NR2F2: variants seen among roughly 807,000 people sequenced by gnomAD.
NR2F2 encodes the protein nuclear receptor subfamily 2 group F member 2, also known as COUP transcription factor 2.
Under a neutral mutation model 34.8 loss-of-function variants are expected in NR2F2, and 2 were observed. The observed-to-expected ratio is 0.06, with a 90% confidence interval of 0.02 to 0.18. The LOEUF is 0.18. NR2F2 is among the 10% of genes least tolerant of loss of function. The pLI is 1.00. For synonymous variants in NR2F2, 274 were observed against 251.8 expected (o/e 1.09, Z -0.84); for missense variants, 300 against 580.1 (o/e 0.52, Z 4.96).
At position 96,332,183 on chromosome 15, in the gene NR2F2, G is replaced by C; in HGVS notation, c.78G>C (p.Ala26=). ...CACAGGGCAGCCAGGCCTCGCAGGC[G>C]CCGCCCGTGCCCGGCCCGCCGCCCG... The part of the protein sequence containing the change: ...PGSQGSQASQ[A]PPVPGPPPGA... The change falls in exon 1 of 3, where the codon GCG becomes GCC. Residue 26 remains alanine (A), a synonymous_variant. Coordinates refer to ENST00000394166, the MANE Select transcript of NR2F2 (RefSeq NM_021005.4). 7.5e-7 allele frequency: 1 copy of C among 1,327,570 alleles called. No individual in the cohort carries two copies. The highest frequency in any genetic ancestry group is 9.6e-7 in the Non-Finnish European group (1 of 1,041,696). 82.2% of individuals were successfully genotyped at this position (1,327,570 alleles called of 1,614,324 possible). A position where few individuals can be genotyped will look rare whatever the true frequency, so the allele number is the denominator to read the frequency against.
rs1263415388 is a variant in NR2F2, at chr15:96,339,897, G to A, written c.*2275G>A. 1 of 151,888 alleles carries A rather than the reference G, an allele frequency of 6.6e-6. No homozygotes were observed. Among genetic ancestry groups the A allele is most frequent in the Non-Finnish European group, 1.5e-5 (1 of 67,996 alleles). The allele number at this position is 151,888 out of a possible 1,614,324, so 9.4% of individuals were successfully genotyped here. ...ACTAGTGAGGGAGGTGAAAGAACAG[G>A]GATAATTTTGTAAAGTGTATTAAAC... On this transcript the variant is annotated 3_prime_UTR_variant, in exon 3 of 3. Transcript: ENST00000394166.
In NR2F2 at chr15:96,332,312, C is replaced by G; in HGVS notation, c.207C>G (p.Asp69Glu). 1.9e-6 allele frequency: 3 copies of G among 1,588,048 alleles called. No homozygotes were observed. The highest frequency in any genetic ancestry group is 1.3e-5 in the African/African-American group (1 of 74,334). ...GCGGCCCTGGCGGCCCGGGTAGCGACAAGCAGCAGCAGCAGCAACACATCG... is the reference window on the plus strand; with the variant it reads ...GCGGCCCTGGCGGCCCGGGTAGCGAGAAGCAGCAGCAGCAGCAACACATCG... ...GQGGPGGPGS[D>E]KQQQQQHIEC... The change falls in exon 1 of 3, where the codon GAC becomes GAG. Residue 69 changes from aspartate (D) to glutamate (E), a missense_variant. Around this residue, in one of 6 missense-constraint regions of NR2F2, gnomAD observed 105 missense variants for 107.8 expected, o/e 0.97. Coordinates refer to ENST00000394166, the MANE Select transcript of NR2F2 (RefSeq NM_021005.4).
rs1052621749 is a variant in NR2F2 at position 96,332,152 on chromosome 15, C to T, written c.47C>T (p.Pro16Leu). 6 of 1,355,858 alleles carry T rather than the reference C, an allele frequency of 4.4e-6. No homozygotes were observed. The highest frequency in any genetic ancestry group is 5.7e-6 in the Non-Finnish European group (6 of 1,054,336). 84.0% of individuals were successfully genotyped at this position (1,355,858 alleles called of 1,614,324 possible). The change falls in exon 1 of 3, where the codon CCC becomes CTC. Residue 16 changes from proline to leucine, a missense_variant. Pro to Leu is a moderately conservative substitution (Grantham distance 98). This residue lies in a region of NR2F2 where 105 missense variants were observed against 107.8 expected (regional missense o/e 0.97). Transcript: ENST00000394166. Reference protein sequence around the residue: ...STWRDPQDEVPGSQGSQASQA... With the variant: ...STWRDPQDEVLGSQGSQASQA... ...TGGCGCGACCCCCAGGACGAGGTGC[C>T]CGGCTCACAGGGCAGCCAGGCCTCG...
chr15:96,329,254 A>T (rs1899066930), upstream of NR2F2, among the ~76,000 whole-genome samples: 1 of 152,216 alleles, frequency 6.6e-6, no homozygotes, highest in African/African-American at 2.4e-5. Flanking sequence ...TAATTCACTA[A>T]CTGGTCATAA....
Position 96,330,769 on chromosome 15 carries a change from T to G in NR2F2, c.-1337T>G. The G allele has an allele frequency of 1.0e-5, 9 of 865,484 alleles. No homozygotes were observed. Among genetic ancestry groups the G allele is most frequent in the African/African-American group, 1.8e-5 (1 of 55,644 alleles). The allele number at this position is 865,484 out of a possible 1,614,324, so 53.6% of individuals were successfully genotyped here. A position where few individuals can be genotyped will look rare whatever the true frequency, so the allele number is the denominator to read the frequency against. ...CTCCCGCGCCCCCCTTTTTAGCATA[T>G]TTGATCACTTTGATTCTCTGTTCTT... On this transcript the variant is annotated 5_prime_UTR_variant, in exon 1 of 3. Coordinates refer to ENST00000394166, the MANE Select transcript of NR2F2 (RefSeq NM_021005.4).
rs1362546965 is a variant in NR2F2, at chr15:96,330,993, A to G, written c.-1113A>G. On this transcript the variant is annotated 5_prime_UTR_variant, in exon 1 of 3. Coordinates refer to ENST00000394166, the MANE Select transcript of NR2F2 (RefSeq NM_021005.4). ...TGATCTGCCCTCCTCTCTCTCTTTT[A>G]TCATTTCTCCCCCGCCGCCGGCGAG... is the stretch of plus-strand genomic sequence containing the variant. 8.3e-6 allele frequency: 10 copies of G among 1,202,202 alleles called. No homozygotes were observed. Among genetic ancestry groups the G allele is most frequent in the Non-Finnish European group, 1.0e-5 (10 of 969,632 alleles). The allele number at this position is 1,202,202 out of a possible 1,614,324, so 74.5% of individuals were successfully genotyped here.
At position 96,337,527 on chromosome 15, in the gene NR2F2, G is replaced by A. The variant is rs761123169; in HGVS notation, c.1150G>A (p.Val384Ile). ...SSSVIEQLFF[V>I]RLVGKTPIET... The stretch of plus-strand genomic sequence containing the variant: ...CTCAGTCATAGAGCAATTGTTTTTC[G>A]TCCGTTTGGTAGGTAAAACCCCCAT... Residue 384 changes from valine to isoleucine, a missense_variant, in exon 3 of 3, where the codon GTC (valine) becomes ATC (isoleucine). By Grantham distance (29) the Val-to-Ile change is conservative (BLOSUM62 3). Transcript: ENST00000394166. The A allele has an allele frequency of 3.7e-6, 6 of 1,613,812 alleles. No individual in the cohort carries two copies. Among genetic ancestry groups the A allele is most frequent in the Admixed American group, 1.7e-5 (1 of 59,984 alleles).
rs3833035 is a variant in NR2F2 at position 96,337,281 on chromosome 15, ATTC to A, written c.971-43_971-41del. 0.23 allele frequency: 343,286 copies of A among 1,472,190 alleles called. 39,441 individuals carry two copies. Among genetic ancestry groups the A allele is most frequent in the East Asian group, 0.52 (22,454 of 42,838 alleles). 91.2% of individuals were successfully genotyped at this position (1,472,190 alleles called of 1,614,324 possible). A position where few individuals can be genotyped will look rare whatever the true frequency, so the allele number is the denominator to read the frequency against. On this transcript the variant is annotated intron_variant, in intron 2 of 2. Transcript: ENST00000394166. ...TCAAACCTCTTAATCTGATGACTGA[ATTC>A]TTCTTCTTCTTCTTCTTCTTCTTTT...
chr15:96,337,205 C>T (rs534321927), intron 2 of NR2F2, 143 bp from the exon 3 acceptor site: 55 of 897,454 alleles, frequency 6.1e-5, no homozygotes, highest in South Asian at 5.4e-4. Flanking sequence ...GCTCCAACTC[C>T]GGTTGGGGCA....
Position 96,334,056 on chromosome 15 carries a change from G to A in NR2F2, c.443-20G>A, listed in dbSNP as rs1468541240. 2 of 1,604,940 alleles carry A rather than the reference G, an allele frequency of 1.2e-6. No individual in the cohort carries two copies. The highest frequency in any genetic ancestry group is 3.3e-5 in the Admixed American group (2 of 59,796). On this transcript the variant is annotated intron_variant, in intron 1 of 2. Transcript: ENST00000394166. Reference sequence around the variant, plus strand: ...TGAGGCTGGTCATTAACTGTGGAGTGTCTCCTTTCCTCCCCGCAGCGGTGC... The same window carrying A: ...TGAGGCTGGTCATTAACTGTGGAGTATCTCCTTTCCTCCCCGCAGCGGTGC...
upstream of NR2F2, among the ~76,000 whole-genome samples, chr15:96,328,926 T>C (rs529045001): frequency 3.8e-4 from 58 of 152,344 alleles, no homozygotes; most frequent in African/African-American, 1.3e-3. Flanking sequence ...CCCAGATCTT[T>C]AGTCCTTACC....
chr15:96,334,039 G>C, intron 1 of NR2F2, 37 bp from the exon 2 acceptor site: 2 of 1,591,340 alleles, frequency 1.3e-6, no homozygotes, highest in Non-Finnish European at 1.7e-6. Context: ...ACTGAGGCTG[G>C]TCATTAACTG....
At chr15:96,334,633 A>C in intron 2 of NR2F2, 30 bp downstream of exon 2, 2 of 1,558,994 alleles carry the variant, frequency 1.3e-6, no homozygotes, top group South Asian at 1.2e-5. Flanking sequence ...TCTCGTGCCC[A>C]CGGGCTCCTA....
In NR2F2 at chr15:96,332,153, C is replaced by T. The variant is rs1899165403; in HGVS notation, c.48C>T (p.Pro16=). The T allele has an allele frequency of 3.0e-6, 4 of 1,354,786 alleles. No homozygotes were observed. The highest frequency in any genetic ancestry group is 1.9e-5 in the South Asian group (1 of 51,622). The allele number at this position is 1,354,786 out of a possible 1,614,324, so 83.9% of individuals were successfully genotyped here. The change falls in exon 1 of 3, where the codon CCC becomes CCT. Residue 16 remains proline (P), a synonymous_variant. Coordinates refer to ENST00000394166, the MANE Select transcript of NR2F2 (RefSeq NM_021005.4). ...GGCGCGACCCCCAGGACGAGGTGCC[C>T]GGCTCACAGGGCAGCCAGGCCTCGC... ...STWRDPQDEV[P]GSQGSQASQA...
At position 96,331,219 on chromosome 15, in the gene NR2F2, C is replaced by T; in HGVS notation, c.-887C>T. 2 of 979,938 alleles carry T rather than the reference C, an allele frequency of 2.0e-6. No homozygotes were observed. The highest frequency in any genetic ancestry group is 2.4e-6 in the Non-Finnish European group (2 of 826,696). 60.7% of individuals were successfully genotyped at this position (979,938 alleles called of 1,614,324 possible). A position where few individuals can be genotyped will look rare whatever the true frequency, so the allele number is the denominator to read the frequency against. On this transcript the variant is annotated 5_prime_UTR_variant, in exon 1 of 3. Transcript: ENST00000394166. Reference sequence around the variant, plus strand: ...CCCGCAGGGAACGGCGAGCGGCCTCCACCCAGCGACTGCGGGCGGCGGCGG... The same window carrying T: ...CCCGCAGGGAACGGCGAGCGGCCTCTACCCAGCGACTGCGGGCGGCGGCGG...
rs1596422365 is a variant in NR2F2 at position 96,330,742 on chromosome 15, C to T, written c.-1364C>T. ...AGCCCCGGCGCCTATAAATCGCATT[C>T]CCTCCCGCGCCCCCCTTTTTAGCAT... On this transcript the variant is annotated 5_prime_UTR_variant, in exon 1 of 3. Transcript: ENST00000394166. 1.7e-6 allele frequency: 1 copy of T among 597,048 alleles called. No individual in the cohort carries two copies. Among genetic ancestry groups the T allele is most frequent in the South Asian group, 7.8e-5 (1 of 12,854 alleles). The allele number at this position is 597,048 out of a possible 1,614,324, so 37.0% of individuals were successfully genotyped here. A position where few individuals can be genotyped will look rare whatever the true frequency, so the allele number is the denominator to read the frequency against.
At position 96,333,842 on chromosome 15, in the gene NR2F2, C is replaced by G. The variant is rs535090634; in HGVS notation, c.443-234C>G. The G allele has an allele frequency of 3.3e-5, 47 of 1,419,584 alleles. 1 individual carries two copies. The South Asian group carries it at 7.2e-4, about 22-fold the overall frequency. The allele number at this position is 1,419,584 out of a possible 1,614,324, so 87.9% of individuals were successfully genotyped here. A position where few individuals can be genotyped will look rare whatever the true frequency, so the allele number is the denominator to read the frequency against. ...TTCTGGGTCCTCGGCGGACCAGCCC[C>G]GAGCGGGCCTCGGAGGCAAGTGTGC... On this transcript the variant is annotated intron_variant, in intron 1 of 2. Coordinates refer to ENST00000394166, the MANE Select transcript of NR2F2 (RefSeq NM_021005.4).
rs756760829 is a variant in NR2F2, at chr15:96,334,239, G to C, written c.606G>C (p.Gln202His). Residue 202 changes from glutamine (Q) to histidine (H), a missense_variant, in exon 2 of 3, where the codon CAG becomes CAC. Physicochemically the swap from Gln to His is conservative, Grantham distance 24. This residue lies in a region of NR2F2 where 164 missense variants were observed against 365.3 expected (regional missense o/e 0.45). Transcript: ENST00000394166. Reference sequence around the variant, plus strand: ...CGCGCTTCGGCAGCCAATGCATGCAGCCCAACAACATCATGGGTATCGAGA... The same window carrying C: ...CGCGCTTCGGCAGCCAATGCATGCACCCCAACAACATCATGGGTATCGAGA... ...PTSRFGSQCMQPNNIMGIENI... is the reference protein window; with the variant it reads ...PTSRFGSQCMHPNNIMGIENI... 6.2e-7 allele frequency: 1 copy of C among 1,614,198 alleles called. No individual in the cohort carries two copies. The highest frequency in any genetic ancestry group is 1.1e-5 in the South Asian group (1 of 91,076).
rs1246669684 is a variant in NR2F2, at chr15:96,338,417, T to C, written c.*795T>C. 3.3e-5 allele frequency: 5 copies of C among 152,664 alleles called. No homozygotes were observed. Among genetic ancestry groups the C allele is most frequent in the Admixed American group, 2.6e-4 (4 of 15,282 alleles). 9.5% of individuals were successfully genotyped at this position (152,664 alleles called of 1,614,324 possible). A position where few individuals can be genotyped will look rare whatever the true frequency, so the allele number is the denominator to read the frequency against. ...GGAATTTATTGGCAGCCAAGGAATG[T>C]GTCCAAGACACATGCTGAGGTTTTG... On this transcript the variant is annotated 3_prime_UTR_variant, in exon 3 of 3. Coordinates refer to ENST00000394166, the MANE Select transcript of NR2F2 (RefSeq NM_021005.4).
Sources: allele counts gnomAD v4.1 joint callset (sites outside exome capture counted in the v4.1 genomes callset), GRCh38; gene constraint gnomAD v4.1.1; regional missense constraint gnomAD v4.1.1; transcripts MANE v1.5; gene names NCBI Gene and HGNC (gene_info 2026-07-23, HGNC 2026-07-21).